The following MAML2 variants were observed in gnomAD, a reference collection of about 807,000 sequenced individuals.
MAML2 encodes mastermind like transcriptional coactivator 2, also known as mastermind-like protein 2.
In MAML2, 22 loss-of-function variants were observed where a neutral mutation model predicts 96.1. That is an observed-to-expected ratio of 0.23 (90% CI 0.16 to 0.33). The LOEUF (loss-of-function observed/expected upper bound fraction) is 0.33. MAML2 is among the 10% of genes least tolerant of loss of function. The pLI is 1.00. For missense variants in MAML2, 1,367 were observed against 1,392.4 expected (o/e 0.98, Z 0.29); for synonymous variants, 561 against 521.3 (o/e 1.08, Z -1.04).
chr11:96,224,423 A>T (rs1310977212), intron 1 of MAML2, among the ~76,000 whole-genome samples: 1 of 152,156 alleles, frequency 6.6e-6, no homozygotes, highest in Non-Finnish European at 1.5e-5. Context: ...GTCCCTGGAG[A>T]TCTATACTTT....
chr11:96,027,561 C>T (rs1858545561), intron 2 of MAML2, among the ~76,000 whole-genome samples: 1 of 152,062 alleles, frequency 6.6e-6, no homozygotes, highest in Non-Finnish European at 1.5e-5. Context: ...GGACTAGGTG[C>T]AGTGGGACCA....
At chr11:96,056,552 C>T (rs1859073555) in intron 2 of MAML2, among the ~76,000 whole-genome samples, 1 of 152,100 alleles carries the variant, frequency 6.6e-6, no homozygotes, top group South Asian at 2.1e-4. Flanking sequence ...TTTAAAAATG[C>T]CTGACATCTC....
At chr11:96,010,230 A>C (rs975006755) in intron 2 of MAML2, among the ~76,000 whole-genome samples, 1 of 152,252 alleles carries the variant, frequency 6.6e-6, no homozygotes, top group African/African-American at 2.4e-5. Context: ...CATAGAAGCA[A>C]GACTTTGAAA....
chr11:96,296,902 A>G (rs75963936), intron 1 of MAML2, among the ~76,000 whole-genome samples: 5,764 of 152,324 alleles, frequency 0.038, 196 homozygotes, highest in South Asian at 0.18. Flanking sequence ...CACAGGCAAA[A>G]GAGGACAAAT....
intron 1 of MAML2, among the ~76,000 whole-genome samples, chr11:96,154,764 G>C (rs529869335): frequency 3.9e-5 from 6 of 152,168 alleles, no homozygotes; most frequent in Non-Finnish European, 8.8e-5. Flanking sequence ...TTACGATTCA[G>C]GATGTGACAA....
At chr11:96,235,726 AGGC>A (rs772517311) in intron 1 of MAML2, among the ~76,000 whole-genome samples, 2 of 152,256 alleles carry the variant, frequency 1.3e-5, no homozygotes, top group Non-Finnish European at 2.9e-5. Context: ...CAATTAAAAA[AGGC>A]ATCTTTCTTT....
At chr11:96,292,264 G>C (rs1262999750) in intron 1 of MAML2, among the ~76,000 whole-genome samples, 1 of 152,080 alleles carries the variant, frequency 6.6e-6, no homozygotes, top group Admixed American at 6.5e-5. Context: ...TAACATTTTA[G>C]CATTATATGA....
intron 1 of MAML2, among the ~76,000 whole-genome samples, chr11:96,256,400 C>T (rs11021498): frequency 0.12 from 18,259 of 152,122 alleles, 1,559 homozygotes; most frequent in African/African-American, 0.24. Flanking sequence ...GTTCCTCAAA[C>T]GACCACATTT....
intron 2 of MAML2, among the ~76,000 whole-genome samples, chr11:96,008,038 AAT>A (rs142918720): frequency 0.36 from 52,968 of 145,766 alleles, 9,484 homozygotes; most frequent in South Asian, 0.53. Context: ...AAAAAAAAAA[AAT>A]TTTTCAGTGA....
chr11:96,341,276 C>A (rs2136024416), intron 1 of MAML2, 107 bp downstream of exon 1: 1 of 1,287,654 alleles, frequency 7.8e-7, no homozygotes, highest in South Asian at 1.6e-5. Context: ...CAGGTGACAT[C>A]TTGGCCTTTT....
intron 1 of MAML2, among the ~76,000 whole-genome samples, chr11:96,149,120 A>C (rs1591040346): frequency 2.0e-5 from 3 of 152,228 alleles, no homozygotes; most frequent in African/African-American, 7.2e-5. Context: ...AGCTCTTCAA[A>C]ATTGAAAAGT....
intron 1 of MAML2, among the ~76,000 whole-genome samples, chr11:96,251,125 C>T (rs1338418411): frequency 1.3e-5 from 2 of 152,184 alleles, no homozygotes; most frequent in Admixed American, 6.5e-5. Context: ...CCCCGCCATC[C>T]CTCATTCTCT....
At chr11:96,232,552 CT>C (rs1862309468) in intron 1 of MAML2, among the ~76,000 whole-genome samples, 1 of 152,084 alleles carries the variant, frequency 6.6e-6, no homozygotes, top group South Asian at 2.1e-4. Context: ...TCACTGCAAG[CT>C]CCGCCTCCCC....
At chr11:96,162,176 CTTT>C (rs36006515) in intron 1 of MAML2, among the ~76,000 whole-genome samples, 28,804 of 104,144 alleles carry the variant, frequency 0.28, 2,767 homozygotes, top group Middle Eastern at 0.34. Flanking sequence ...ATCAATCTAA[CTTT>C]TTTTTTTTTT....
At chr11:96,087,576 C>T (rs571877627) in intron 2 of MAML2, among the ~76,000 whole-genome samples, 5 of 152,330 alleles carry the variant, frequency 3.3e-5, no homozygotes, top group East Asian at 3.8e-4. Context: ...CCCATCTTCA[C>T]TATAGATTTC....
rs993930899 is a variant in MAML2, at chr11:95,979,388, G to A, written c.3031C>T (p.Gln1011Ter). ...QQAVGSQQFS[Q>*]RAVAPPNQLT... ...TGGTTAGGAGGAGCCACTGCCCTCTGGGAAAATTGCTGGCTACCTACTGCC... is the reference window on the plus strand; with the variant it reads ...TGGTTAGGAGGAGCCACTGCCCTCTAGGAAAATTGCTGGCTACCTACTGCC... Residue 1011 changes from glutamine to a stop codon, truncating the protein, a stop_gained, in exon 5 of 5, where the codon CAG (glutamine) becomes TAG (stop). Transcript: ENST00000524717. LOFTEE classifies it high-confidence loss of function. The A allele has an allele frequency of 6.2e-7, 1 of 1,613,510 alleles. No individual in the cohort carries two copies. The highest frequency in any genetic ancestry group is 8.5e-7 in the Non-Finnish European group (1 of 1,179,778).
chr11:96,295,435 A>C (rs1341974593), intron 1 of MAML2, among the ~76,000 whole-genome samples: 1 of 152,176 alleles, frequency 6.6e-6, no homozygotes, highest in Non-Finnish European at 1.5e-5. Flanking sequence ...GATGAACTAT[A>C]AACAGAAGTT....
Position 95,977,913 on chromosome 11 carries a change from C to T in MAML2, c.*1035G>A, listed in dbSNP as rs775987150. 91 of 224,216 alleles carry T rather than the reference C, an allele frequency of 4.1e-4. 1 individual carries two copies. The highest frequency in any genetic ancestry group is 6.0e-4 in the Non-Finnish European group (67 of 112,362). 13.9% of individuals were successfully genotyped at this position (224,216 alleles called of 1,614,324 possible). ...ATACATTTGTACACACTGGTACTTG[C>T]CATCCCTGGTTCTTATCTCCAACCA... On this transcript the variant is annotated 3_prime_UTR_variant, in exon 5 of 5. Transcript: ENST00000524717.
intron 2 of MAML2, among the ~76,000 whole-genome samples, chr11:96,068,915 C>CTT (rs71040128): frequency 1.3e-4 from 14 of 106,490 alleles, no homozygotes; most frequent in East Asian, 8.3e-4. Context: ...TTCTTCCCTC[C>CTT]TTTTTTTTTT....
Sources: gnomAD v4.1 joint callset for allele counts (sites outside exome capture counted in the v4.1 genomes callset) on GRCh38, gnomAD v4.1.1 for gene constraint, MANE v1.5 for transcripts, NCBI Gene and HGNC (gene_info 2026-07-23, HGNC 2026-07-21) for gene names.